DMD: variants seen among roughly 807,000 people sequenced by gnomAD.
The protein encoded by DMD is mutant dystrophin.
In DMD, 63 loss-of-function variants were observed where a neutral mutation model predicts 330.1. The ratio of observed to expected loss-of-function variants is 0.19; its 90% CI spans 0.16 to 0.24. DMD has a LOEUF of 0.24. DMD is among the 10% of genes least tolerant of loss of function. The pLI is 1.00. For missense variants in DMD, 3,344 were observed against 2,684.1 expected, an observed-to-expected ratio of 1.25 and a Z score of -5.43; for synonymous variants, 1,223 against 959.8, an observed-to-expected ratio of 1.27 and a Z score of -5.07.
intron 59 of DMD, among the ~76,000 whole-genome samples, chrX:31,452,258 G>A (rs1305802810): frequency 1.1e-5 from 1 of 87,286 alleles, no homozygotes; most frequent in African/African-American, 5.8e-5. Flanking sequence ...ACTGCTCTGT[G>A]TTTTCCATAA....
chrX:33,161,362 C>T (rs1004048277), intron 1 of DMD, among the ~76,000 whole-genome samples: 1 of 111,490 alleles, frequency 9.0e-6, no homozygotes, highest in African/African-American at 3.3e-5. Flanking sequence ...AATAATGTGC[C>T]CAAGGTCAAA....
intron 9 of DMD, among the ~76,000 whole-genome samples, chrX:32,645,859 T>A (rs1314294567): frequency 8.9e-6 from 1 of 112,273 alleles, no homozygotes; most frequent in African/African-American, 3.2e-5. Context: ...GGAATTTCCG[T>A]CTGGACCCTA....
intron 44 of DMD, among the ~76,000 whole-genome samples, chrX:32,121,661 A>ATATATATATATATG (rs1415216267): frequency 1.2e-5 from 1 of 81,321 alleles, no homozygotes; most frequent in African/African-American, 4.5e-5. Flanking sequence ...ATATATATAT[A>ATATATATATATATG]TATGTATTCG....
intron 1 of DMD, among the ~76,000 whole-genome samples, chrX:33,314,396 T>C (rs763740274): frequency 9.2e-6 from 1 of 108,223 alleles, no homozygotes; most frequent in Admixed American, 1.0e-4. Flanking sequence ...TCGCTGGGAC[T>C]ACAGGCGTGC....
intron 62 of DMD, among the ~76,000 whole-genome samples, chrX:31,298,729 A>G (rs11797901): frequency 0.33 from 36,621 of 111,160 alleles, 5,448 homozygotes; most frequent in African/African-American, 0.57. Context: ...GGTGAGCAGC[A>G]GGTTGGCAAT....
At position 31,475,035 on chromosome X, in the gene DMD, A is replaced by G. The variant is rs372874448; in HGVS notation, c.8937+3071T>C. ...AAGGGAGATAAATATATATGAATTCATGTAATTCATAGTTTGAAACACGCA... is the reference window on the plus strand; with the variant it reads ...AAGGGAGATAAATATATATGAATTCGTGTAATTCATAGTTTGAAACACGCA... On this transcript the variant is annotated intron_variant, in intron 59 of 78. Coordinates refer to ENST00000357033, the MANE Select transcript of DMD (RefSeq NM_004006.3). Among the ~76,000 whole-genome samples, 6 of 111,650 alleles carry G rather than the reference A, an allele frequency of 5.4e-5. No individual in the cohort carries two copies. In the East Asian group the frequency reaches 1.4e-3, roughly 26 times the overall value.
intron 55 of DMD, among the ~76,000 whole-genome samples, chrX:31,511,010 G>C (rs951609757): frequency 4.5e-5 from 5 of 111,467 alleles, no homozygotes; most frequent in Admixed American, 9.6e-5. Context: ...TGACACATCA[G>C]CATAAACATA....
chrX:32,095,119 T>G (rs1237210646), intron 44 of DMD, among the ~76,000 whole-genome samples: 1 of 111,704 alleles, frequency 9.0e-6, no homozygotes, highest in Non-Finnish European at 1.9e-5. Context: ...AGATTATTCC[T>G]CCTTCCAGAG....
intron 62 of DMD, among the ~76,000 whole-genome samples, chrX:31,275,353 G>A (rs954735519): frequency 1.7e-4 from 19 of 111,379 alleles, no homozygotes; most frequent in African/African-American, 5.9e-4. Flanking sequence ...ATTCAAAAAT[G>A]TATTTGGCCA....
intron 60 of DMD, among the ~76,000 whole-genome samples, chrX:31,430,044 C>T (rs2063950671): frequency 9.0e-6 from 1 of 111,051 alleles, no homozygotes; most frequent in African/African-American, 3.3e-5. Context: ...CTCAGAAGGT[C>T]CCTTAGCTGA....
chrX:32,323,406 G>A (rs958342507), intron 41 of DMD, among the ~76,000 whole-genome samples: 3 of 111,675 alleles, frequency 2.7e-5, no homozygotes, highest in East Asian at 2.8e-4. Context: ...ACCTTGTGTC[G>A]TTTGTGGTCA....
intron 29 of DMD, among the ~76,000 whole-genome samples, chrX:32,425,935 G>A (rs1243369834): frequency 9.0e-6 from 1 of 111,637 alleles, no homozygotes; most frequent in African/African-American, 3.3e-5. Flanking sequence ...CTGGCTAACC[G>A]TATACAGAAG....
intron 51 of DMD, among the ~76,000 whole-genome samples, chrX:31,758,401 C>A (rs1390979359): frequency 9.0e-6 from 1 of 111,223 alleles, no homozygotes; most frequent in Non-Finnish European, 1.9e-5. Flanking sequence ...GTCGTCTGAA[C>A]ACCTCTCAAC....
At chrX:33,274,757 C>T (rs1298774714) in intron 1 of DMD, among the ~76,000 whole-genome samples, 1 of 111,644 alleles carries the variant, frequency 9.0e-6, no homozygotes, top group Admixed American at 9.5e-5. Flanking sequence ...ATGGGATCTG[C>T]CATCGAGGAG....
chrX:32,693,727 A>G (rs1458862801), intron 9 of DMD, among the ~76,000 whole-genome samples: 1 of 112,182 alleles, frequency 8.9e-6, no homozygotes, highest in African/African-American at 3.2e-5. Flanking sequence ...GGCATGAGCC[A>G]CTACACCCAG....
chrX:31,680,032 C>T (rs2082288403), intron 52 of DMD, among the ~76,000 whole-genome samples: 2 of 112,214 alleles, frequency 1.8e-5, no homozygotes, highest in African/African-American at 6.5e-5. Context: ...CAACTGATGC[C>T]TCCCCTCCAG....
intron 61 of DMD, among the ~76,000 whole-genome samples, chrX:31,336,926 CTT>C (rs66807082): frequency 3.6e-4 from 34 of 94,298 alleles, no homozygotes; most frequent in Admixed American, 7.1e-4. Flanking sequence ...TTCTTTCTTT[CTT>C]TTTTTTTTTT....
chrX:32,623,081 A>C (rs1020363083), intron 11 of DMD, among the ~76,000 whole-genome samples: 1 of 112,334 alleles, frequency 8.9e-6, no homozygotes, highest in Admixed American at 9.5e-5. Context: ...AGAATGCCCA[A>C]GTATGCCCTT....
At chrX:32,205,005 T>TCTCTCTCTCTCTCACACACACA (rs60181300) in intron 44 of DMD, among the ~76,000 whole-genome samples, 3 of 29,231 alleles carry the variant, frequency 1.0e-4, no homozygotes, top group South Asian at 2.1e-3. Context: ...TCTCTCTCTC[T>TCTCTCTCTCTCTCACACACACA]CACATACACA....
Sources: gnomAD v4.1 joint callset for allele counts (sites outside exome capture counted in the v4.1 genomes callset) on GRCh38, gnomAD v4.1.1 for gene constraint, MANE v1.5 for transcripts, NCBI Gene and HGNC (gene_info 2026-07-23, HGNC 2026-07-21) for gene names.